Variants in C6orf89 observed in about 807,000 individuals in gnomAD.
C6orf89 encodes the protein bombesin receptor-activated protein C6orf89.
A neutral mutation model predicts 40.7 loss-of-function variants in C6orf89; 29 were observed. The ratio of observed to expected loss-of-function variants is 0.71; its 90% CI spans 0.53 to 0.97. The LOEUF is 0.97. C6orf89 is among the 50% of genes least tolerant of loss of function. C6orf89 has a pLI of 0.00. For missense variants in C6orf89, 392 were observed against 429.1 expected (o/e 0.91, Z 0.76); for synonymous variants, 165 against 152.2 (o/e 1.08, Z -0.62).
In C6orf89 at chr6:36,903,609, G is replaced by A. The variant is rs576189727; in HGVS notation, c.403+1175G>A. ...TGAGTAGCTGGGACTATAGGTGCCC[G>A]CCACCACGCCCGGCTAATTTTTTGT... On this transcript the variant is annotated intron_variant, in intron 4 of 8. Transcript: ENST00000480824. 5.9e-4 allele frequency among the ~76,000 whole-genome samples: 90 copies of A among 151,964 alleles called. 1 individual carries two copies. The highest frequency in any genetic ancestry group is 1.1e-3 in the Non-Finnish European group (77 of 68,016).
intron 2 of C6orf89, among the ~76,000 whole-genome samples, chr6:36,896,750 CCTCT>C (rs1761444304): frequency 6.6e-6 from 1 of 152,028 alleles, no homozygotes; most frequent in Admixed American, 6.6e-5. Flanking sequence ...ATGAAGCCTC[CCTCT>C]CTGTGTTTTC....
At chr6:36,919,738 T>A (rs1260931229) in intron 8 of C6orf89, 37 bp downstream of exon 8, 1 of 1,535,736 alleles carries the variant, frequency 6.5e-7, no homozygotes, top group East Asian at 2.3e-5. Flanking sequence ...TCAATGGATC[T>A]TTTTAGTTTT....
At position 36,911,228 on chromosome 6, in the gene C6orf89, G is replaced by A. The variant is rs559162099; in HGVS notation, c.404-3056G>A. 2.0e-5 allele frequency among the ~76,000 whole-genome samples: 3 copies of A among 152,266 alleles called. No individual in the cohort carries two copies. The South Asian group carries it at 6.2e-4, about 32-fold the overall frequency. Reference sequence around the variant, plus strand: ...GGCTGGGCTGGGCGCAGTGGCTCACGCCTGTAATCCCAGCACTTTGCAAGG... The same window carrying A: ...GGCTGGGCTGGGCGCAGTGGCTCACACCTGTAATCCCAGCACTTTGCAAGG... On this transcript the variant is annotated intron_variant, in intron 4 of 8. Coordinates refer to ENST00000480824, the MANE Select transcript of C6orf89 (RefSeq NM_001286635.2).
At chr6:36,901,312 A>ATTTTTTT (rs1554136270) in intron 3 of C6orf89, among the ~76,000 whole-genome samples, 2 of 64,664 alleles carry the variant, frequency 3.1e-5, no homozygotes, top group Admixed American at 1.7e-4. Flanking sequence ...TATTATTATT[A>ATTTTTTT]TTATTATTAT....
At chr6:36,887,758 A>T (rs957578514) in intron 1 of C6orf89, among the ~76,000 whole-genome samples, 1 of 152,292 alleles carries the variant, frequency 6.6e-6, no homozygotes, top group South Asian at 2.1e-4. Context: ...TCATTCCATC[A>T]CCCAGGTTGG....
At chr6:36,896,256 T>C (rs1761426764) in intron 2 of C6orf89, among the ~76,000 whole-genome samples, 1 of 152,112 alleles carries the variant, frequency 6.6e-6, no homozygotes, top group Non-Finnish European at 1.5e-5. Flanking sequence ...TACAGGTGCC[T>C]GCCACCACAC....
At chr6:36,900,632 T>TA (rs1761642523) in intron 3 of C6orf89, among the ~76,000 whole-genome samples, 2 of 151,868 alleles carry the variant, frequency 1.3e-5, no homozygotes, top group South Asian at 4.2e-4. Context: ...CCCAAGTACC[T>TA]AGGACCACAG....
At chr6:36,886,091 C>T in intron 1 of C6orf89, 63 bp downstream of exon 1, 2 of 777,670 alleles carry the variant, frequency 2.6e-6, no homozygotes, top group Non-Finnish European at 1.7e-6. Context: ...TCGCCGCGCC[C>T]GTCTCTGACA....
At chr6:36,904,186 C>G (rs1325541447) in intron 4 of C6orf89, among the ~76,000 whole-genome samples, 1 of 152,206 alleles carries the variant, frequency 6.6e-6, no homozygotes, top group African/African-American at 2.4e-5. Context: ...AAGTAAATCT[C>G]CATACACGGT....
intron 1 of C6orf89, among the ~76,000 whole-genome samples, chr6:36,889,730 G>A (rs1775127756): frequency 6.6e-6 from 1 of 152,158 alleles, no homozygotes; most frequent in South Asian, 2.1e-4. Context: ...AAATTTGATA[G>A]TTAAGGAAAC....
rs144866840 is a variant in C6orf89, at chr6:36,914,417, C to T, written c.537C>T (p.Leu179=). ...ACGCCCCAAGGAAATTTGAGAGGCT[C>T]CATCCACTGGTGATCAAGGTGAGCA... is the stretch of plus-strand genomic sequence containing the variant. ...LEDAPRKFER[L]HPLVIKTGKP... The change falls in exon 5 of 9, where the codon CTC becomes CTT. Residue 179 remains leucine (L), a synonymous_variant. Transcript: ENST00000480824. 2.0e-5 allele frequency: 33 copies of T among 1,614,104 alleles called. No individual in the cohort carries two copies. The African/African-American group carries it at 3.9e-4, about 19-fold the overall frequency.
chr6:36,880,228 C>T (rs1050382936), intron 2 of C6orf89, among the ~76,000 whole-genome samples: 10 of 152,162 alleles, frequency 6.6e-5, no homozygotes, highest in Admixed American at 6.5e-4. Context: ...GCTTAAAAGT[C>T]AGGTTAATTA....
In C6orf89 at chr6:36,902,295, G is replaced by A; in HGVS notation, c.264G>A (p.Glu88=). 1 of 1,614,124 alleles carries A rather than the reference G, an allele frequency of 6.2e-7. No individual in the cohort carries two copies. Among genetic ancestry groups the A allele is most frequent in the Non-Finnish European group, 8.5e-7 (1 of 1,180,022 alleles). The change falls in exon 4 of 9, where the codon GAG becomes GAA. Residue 88 remains glutamate (E), a synonymous_variant. Transcript: ENST00000480824. The stretch of plus-strand genomic sequence containing the variant: ...AACCTTTCAGCCCATTAGCACCTGA[G>A]CCAGTGCTTTCTGGAGCTCACACCT... ...VIQPFSPLAP[E]PVLSGAHTWR... is the part of the protein sequence containing the mutation.
chr6:36,918,442 C>T (rs555489823), intron 7 of C6orf89, among the ~76,000 whole-genome samples: 11 of 152,210 alleles, frequency 7.2e-5, no homozygotes, highest in Admixed American at 2.6e-4. Context: ...CCAGGCTGTC[C>T]CTGTCACCAC....
chr6:36,905,271 C>G (rs1221450563), intron 4 of C6orf89, among the ~76,000 whole-genome samples: 2 of 152,136 alleles, frequency 1.3e-5, no homozygotes, highest in Non-Finnish European at 2.9e-5. Context: ...GTCACGGAGC[C>G]ATGATTTGAA....
chr6:36,876,739 A>AAAAAAG (rs1554133774), intron 1 of C6orf89, among the ~76,000 whole-genome samples: 1 of 125,536 alleles, frequency 8.0e-6, no homozygotes, highest in Non-Finnish European at 1.8e-5. Context: ...AAAAAAAAAA[A>AAAAAAG]AAGAAGAAGA....
intron 4 of C6orf89, among the ~76,000 whole-genome samples, chr6:36,909,071 G>A (rs1762028066): frequency 1.3e-5 from 2 of 152,174 alleles, no homozygotes; most frequent in South Asian, 4.1e-4. Context: ...CCAGGAAAAT[G>A]TGGATTTTGG....
In C6orf89 at chr6:36,916,572, A is replaced by G; in HGVS notation, c.823A>G (p.Lys275Glu). ...TCACCCAGAACCTGTTGTGGGGAGT[A>G]AGGTAGGAAATTTTGAGAGGACTTG... ...FLHPEPVVGS[K>E]MHKMPDLFII... Residue 275 changes from lysine (K) to glutamate (E), a missense_variant and splice_region_variant, in exon 7 of 9, where the codon AAG becomes GAG. Physicochemically the swap from Lys to Glu is moderately conservative, Grantham distance 56 (BLOSUM62 1). Transcript: ENST00000480824. 1.2e-6 allele frequency: 2 copies of G among 1,613,992 alleles called. No individual in the cohort carries two copies. Among genetic ancestry groups the G allele is most frequent in the Non-Finnish European group, 1.7e-6 (2 of 1,179,952 alleles).
chr6:36,873,774 G>C (rs1162902765), intron 1 of C6orf89, among the ~76,000 whole-genome samples: 1 of 152,148 alleles, frequency 6.6e-6, no homozygotes, highest in Admixed American at 6.5e-5. Flanking sequence ...AGCAGCAATG[G>C]GCAAGAACAG....
Sources: gnomAD v4.1 joint callset for allele counts (sites outside exome capture counted in the v4.1 genomes callset) on GRCh38, gnomAD v4.1.1 for gene constraint, MANE v1.5 for transcripts, NCBI Gene and HGNC (gene_info 2026-07-23, HGNC 2026-07-21) for gene names.